RFX2: variants seen among roughly 807,000 people sequenced by gnomAD.
RFX2 encodes the protein regulatory factor X2.
In RFX2, 20 loss-of-function variants were observed where a neutral mutation model predicts 87.8. That is an observed-to-expected ratio of 0.23 (90% CI 0.16 to 0.33). RFX2 has a LOEUF of 0.33. RFX2 is among the 10% of genes least tolerant of loss of function. The pLI, the probability that RFX2 is intolerant of heterozygous loss-of-function variation, is 1.00. For synonymous variants in RFX2, 397 were observed against 431.3 expected (o/e 0.92, Z 0.98); for missense variants, 767 against 1,012.3 (o/e 0.76, Z 3.29).
At position 6,007,996 on chromosome 19, in the gene RFX2, G is replaced by T. The variant is rs79342694; in HGVS notation, c.1134+110C>A. The T allele has an allele frequency of 1.5e-5, 13 of 867,348 alleles. No homozygotes were observed. Among genetic ancestry groups the T allele is most frequent in the African/African-American group, 8.3e-5 (5 of 60,306 alleles). The allele number at this position is 867,348 out of a possible 1,614,324, so 53.7% of individuals were successfully genotyped here. ...GCTGCTTCAGAGAGGATGCTTGTTG[G>T]GGGGCTCGGGGCTCCAGCTCCTCAG... On this transcript the variant is annotated intron_variant, in intron 10 of 17. Coordinates refer to ENST00000303657, the MANE Select transcript of RFX2 (RefSeq NM_000635.4). This position sits in a 1 kb window ranked among gnomAD's most constrained non-coding sequence, Gnocchi z 8.2.
chr19:6,043,219 CTCCTT>C, intron 3 of RFX2, among the ~76,000 whole-genome samples: 1 of 152,236 alleles, frequency 6.6e-6, no homozygotes, highest in East Asian at 1.9e-4. Context: ...GGAATCTCCT[CTCCTT>C]GGTGTCTCTG....
intron 1 of RFX2, among the ~76,000 whole-genome samples, chr19:6,053,810 G>A (rs936514823): frequency 1.3e-5 from 2 of 152,054 alleles, no homozygotes; most frequent in Non-Finnish European, 2.9e-5. Context: ...ACAAAAATGA[G>A]CCATGTGTAA....
At chr19:6,018,200 C>T (rs1054658379) in intron 6 of RFX2, among the ~76,000 whole-genome samples, 4 of 152,182 alleles carry the variant, frequency 2.6e-5, no homozygotes, top group Non-Finnish European at 5.9e-5. Flanking sequence ...GAATTCCTGA[C>T]CTCAGGTGAT....
At chr19:6,041,595 T>C (rs1022659250) in intron 4 of RFX2, among the ~76,000 whole-genome samples, 1 of 147,486 alleles carries the variant, frequency 6.8e-6, no homozygotes, top group Non-Finnish European at 1.5e-5. Context: ...GAATGAAGAG[T>C]TAGGATTAGC....
chr19:6,088,875 A>C (rs1216894178), intron 1 of RFX2, among the ~76,000 whole-genome samples: 1 of 152,212 alleles, frequency 6.6e-6, no homozygotes, highest in Non-Finnish European at 1.5e-5. Flanking sequence ...AACCCCATCC[A>C]TTGTAGGGTG....
In RFX2 at chr19:6,002,958, A is replaced by C; in HGVS notation, c.1501-88T>G. On this transcript the variant is annotated intron_variant, in intron 13 of 17. Transcript: ENST00000303657. This position sits in a 1 kb window ranked among gnomAD's most constrained non-coding sequence, Gnocchi z 6.7. ...TGCAGGGGTGTGTGGGCTCAGGGACAACACAGGGAGGAGGGAGCAGGAAAC... is the reference window on the plus strand; with the variant it reads ...TGCAGGGGTGTGTGGGCTCAGGGACCACACAGGGAGGAGGGAGCAGGAAAC... 2.1e-6 allele frequency: 3 copies of C among 1,436,516 alleles called. No homozygotes were observed. Among genetic ancestry groups the C allele is most frequent in the Non-Finnish European group, 2.8e-6 (3 of 1,065,706 alleles). 89.0% of individuals were successfully genotyped at this position (1,436,516 alleles called of 1,614,324 possible). A position where few individuals can be genotyped will look rare whatever the true frequency, so the allele number is the denominator to read the frequency against.
intron 5 of RFX2, among the ~76,000 whole-genome samples, chr19:6,028,796 C>T (rs906342620): frequency 2.0e-5 from 3 of 152,032 alleles, no homozygotes; most frequent in Admixed American, 6.6e-5. Flanking sequence ...AGATTTTGGC[C>T]GGGCACGGTG....
At position 5,994,578 on chromosome 19, in the gene RFX2, C is replaced by T. The variant is rs941893440; in HGVS notation, c.*257G>A. The T allele has an allele frequency of 1.3e-5, 7 of 521,042 alleles. No individual in the cohort carries two copies. Among genetic ancestry groups the T allele is most frequent in the South Asian group, 5.1e-5 (2 of 38,970 alleles). 32.3% of individuals were successfully genotyped at this position (521,042 alleles called of 1,614,324 possible). On this transcript the variant is annotated 3_prime_UTR_variant, in exon 18 of 18. Transcript: ENST00000303657. ...TTGTCCAGAATAAGGAACCCATGGT[C>T]TGGTGGGGCCCTGGTGGCTGCGCAG...
At chr19:6,087,354 T>A (rs2087868793) in intron 1 of RFX2, among the ~76,000 whole-genome samples, 1 of 152,160 alleles carries the variant, frequency 6.6e-6, no homozygotes, top group African/African-American at 2.4e-5. Context: ...TTGGCTCTGC[T>A]TTCAAAGAAC....
chr19:6,091,803 C>T (rs906621111), intron 1 of RFX2, among the ~76,000 whole-genome samples: 11 of 152,148 alleles, frequency 7.2e-5, no homozygotes, highest in African/African-American at 1.2e-4. Flanking sequence ...AGCCGCAAAA[C>T]GTGTTTACAT....
chr19:6,039,965 G>A lies in RFX2; in HGVS notation c.522+15C>T. Reference sequence around the variant, plus strand: ...TCATGGCCTACCCTGCTGGTCCCAAGAGCCTCCTACATACCGTGGCGGGCG... The same window carrying A: ...TCATGGCCTACCCTGCTGGTCCCAAAAGCCTCCTACATACCGTGGCGGGCG... On this transcript the variant is annotated intron_variant, in intron 5 of 17. Coordinates refer to ENST00000303657, the MANE Select transcript of RFX2 (RefSeq NM_000635.4). The surrounding 1 kb of genome is among the most constrained non-coding windows in gnomAD (Gnocchi z 5.2). The A allele has an allele frequency of 6.5e-7, 1 of 1,543,684 alleles. No individual in the cohort carries two copies. The highest frequency in any genetic ancestry group is 8.8e-7 in the Non-Finnish European group (1 of 1,136,616).
intron 1 of RFX2, among the ~76,000 whole-genome samples, chr19:6,089,002 A>G (rs917490283): frequency 5.9e-5 from 9 of 152,212 alleles, no homozygotes; most frequent in Admixed American, 5.9e-4. Flanking sequence ...ATAATTTTGT[A>G]TGTCCTAAAA....
chr19:6,036,700 G>A (rs189932400), intron 5 of RFX2, among the ~76,000 whole-genome samples: 19 of 152,242 alleles, frequency 1.2e-4, no homozygotes, highest in African/African-American at 4.6e-4. Context: ...TTATCATAGA[G>A]ACTTCCAGAA....
In RFX2 at chr19:6,101,195, C is replaced by T. The variant is rs1347379323; in HGVS notation, c.-9+9198G>A. Among the ~76,000 whole-genome samples the T allele has an allele frequency of 2.0e-5, 3 of 152,116 alleles. No individual in the cohort carries two copies. Among genetic ancestry groups the T allele is most frequent in the Non-Finnish European group, 2.9e-5 (2 of 68,018 alleles). On this transcript the variant is annotated intron_variant, in intron 1 of 17. Coordinates refer to ENST00000303657, the MANE Select transcript of RFX2 (RefSeq NM_000635.4). The surrounding 1 kb of genome is among the most constrained non-coding windows in gnomAD (Gnocchi z 4.9). ...ATTTTCTAAAGAAATGGATGGAGAC[C>T]CCAGAGAGCTCCTCACTGAAGTCCC...
At chr19:6,105,115 TCA>T (rs200865688) in intron 1 of RFX2, among the ~76,000 whole-genome samples, 3,718 of 131,262 alleles carry the variant, frequency 0.028, 115 homozygotes, top group African/African-American at 0.09. Flanking sequence ...AGACTCCGTC[TCA>T]CAAAAAAAAA....
chr19:6,036,818 G>C (rs2087031757), intron 5 of RFX2, among the ~76,000 whole-genome samples: 2 of 152,114 alleles, frequency 1.3e-5, no homozygotes, highest in African/African-American at 4.8e-5. Context: ...TTTCCCTTAA[G>C]ACTGGGAAAA....
At chr19:6,041,802 C>T (rs1012421207) in intron 4 of RFX2, among the ~76,000 whole-genome samples, 2 of 151,966 alleles carry the variant, frequency 1.3e-5, no homozygotes, top group East Asian at 1.9e-4. Flanking sequence ...TGGGCTCATG[C>T]GATCCTCCCA....
At chr19:6,109,723 T>C (rs1307074685) in intron 1 of RFX2, among the ~76,000 whole-genome samples, 2 of 151,798 alleles carry the variant, frequency 1.3e-5, no homozygotes, top group Non-Finnish European at 2.9e-5. Context: ...GTGGCCCCAA[T>C]TCAGGGAGTT....
At chr19:6,071,139 G>A (rs1028683924) in intron 1 of RFX2, among the ~76,000 whole-genome samples, 7 of 152,180 alleles carry the variant, frequency 4.6e-5, no homozygotes, top group South Asian at 2.1e-4. Context: ...CTATGTCAAC[G>A]TACAAACATG....
Sources: gnomAD v4.1 joint callset for allele counts (sites outside exome capture counted in the v4.1 genomes callset) on GRCh38, gnomAD v4.1.1 for gene constraint, Gnocchi (gnomAD v3.1) non-coding constraint, MANE v1.5 for transcripts, NCBI Gene and HGNC (gene_info 2026-07-23, HGNC 2026-07-21) for gene names.